The following GLI3 variants were observed in gnomAD, a reference collection of about 807,000 sequenced individuals.
The protein encoded by GLI3 is transcription activator GLI3.
A neutral mutation model predicts 100.8 loss-of-function variants in GLI3; 20 were observed. The ratio of observed to expected loss-of-function variants is 0.20; its 90% confidence interval spans 0.14 to 0.29. GLI3 has a LOEUF of 0.29. Among genes scored for constraint, GLI3 ranks in the 10% least tolerant of loss-of-function variants. The probability of loss-of-function intolerance (pLI) is 1.00; values close to 1 mark genes in which losing one functional copy is unlikely to be tolerated. For missense variants in GLI3, 2,040 were observed against 2,128.5 expected, an observed-to-expected ratio of 0.96 and a Z score of 0.82; for synonymous variants, 938 against 860.5, an observed-to-expected ratio of 1.09 and a Z score of -1.58.
intron 4 of GLI3, among the ~76,000 whole-genome samples, chr7:42,072,999 T>G (rs936024448): frequency 6.6e-6 from 1 of 152,200 alleles, no homozygotes; most frequent in Admixed American, 6.5e-5. Context: ...AACGGGAAGA[T>G]TCCTCATATC....
chr7:41,964,449 G>A lies in GLI3; in HGVS notation c.4624C>T (p.Arg1542Trp), dbSNP rs755022753. ...AGCGCTGGGAATGGGAGGGACGCCC[G>A]AGGCGTGGTGAGGCGGGAGGAGCTA... is the stretch of plus-strand genomic sequence containing the variant. ...SHSSSRLTTPRASLPFPALSM... is the reference protein window; with the variant it reads ...SHSSSRLTTPWASLPFPALSM... Residue 1542 changes from arginine to tryptophan, a missense_variant, in exon 15 of 15, where the codon CGG (arginine) becomes TGG (tryptophan). Around this residue, in one of 5 missense-constraint regions of GLI3, gnomAD observed 1,041 missense variants for 924.0 expected, o/e 1.13. Transcript: ENST00000395925. 1.2e-6 allele frequency: 2 copies of A among 1,614,152 alleles called. No individual in the cohort carries two copies. Among genetic ancestry groups the A allele is most frequent in the African/African-American group, 1.3e-5 (1 of 75,064 alleles).
chr7:41,992,763 A>T (rs1465836799), intron 10 of GLI3, among the ~76,000 whole-genome samples: 2 of 152,178 alleles, frequency 1.3e-5, no homozygotes, highest in Non-Finnish European at 2.9e-5. Flanking sequence ...AGGACCCCAA[A>T]AGAAGCGATT....
intron 12 of GLI3, among the ~76,000 whole-genome samples, chr7:41,976,750 A>C (rs931851448): frequency 6.6e-6 from 1 of 152,180 alleles, no homozygotes; most frequent in Non-Finnish European, 1.5e-5. Flanking sequence ...TCCTTTTGTT[A>C]ATCTCTCAAT....
At chr7:41,982,772 C>A (rs1414981213) in intron 10 of GLI3, among the ~76,000 whole-genome samples, 2 of 151,714 alleles carry the variant, frequency 1.3e-5, no homozygotes, top group Non-Finnish European at 2.9e-5. Flanking sequence ...GCCTATATCA[C>A]AGTAGGCAGA....
intron 2 of GLI3, among the ~76,000 whole-genome samples, chr7:42,168,627 G>A (rs903955718): frequency 2.0e-5 from 3 of 152,114 alleles, no homozygotes; most frequent in Non-Finnish European, 4.4e-5. Flanking sequence ...TATAAAGTTC[G>A]AAAACAGGCC....
rs768430191 is a variant in GLI3 at position 42,216,270 on chromosome 7, G to A, written c.124+6860C>T. Among the ~76,000 whole-genome samples the A allele has an allele frequency of 7.9e-5, 12 of 152,270 alleles. No homozygotes were observed. The South Asian group carries it at 8.3e-4, about 11-fold the overall frequency. ...AACACACTGAATGTGAGCAGGGAGCGGGTAAGGTAGAAAAACCAGGTGCTA... is the reference window on the plus strand; with the variant it reads ...AACACACTGAATGTGAGCAGGGAGCAGGTAAGGTAGAAAAACCAGGTGCTA... On this transcript the variant is annotated intron_variant, in intron 2 of 14. Transcript: ENST00000395925.
In GLI3 at chr7:41,972,396, T is replaced by C. The variant is rs760184006; in HGVS notation, c.2044A>G (p.Thr682Ala). Residue 682 changes from threonine to alanine, a missense_variant, in exon 13 of 15, where the codon ACT (threonine) becomes GCT (alanine). Physicochemically the swap from Thr to Ala is moderately conservative, Grantham distance 58. Transcript: ENST00000395925. The surrounding 1 kb of genome is among the most constrained non-coding windows in gnomAD (Gnocchi z 4.4). ...ALGEQQDLSN[T>A]TSKREECLQV... Reference sequence around the variant, plus strand: ...AGGCATTCTTCCCGCTTTGAGGTAGTGTTGCTGAGGTCCTGCTGCTCACCA... The same window carrying C: ...AGGCATTCTTCCCGCTTTGAGGTAGCGTTGCTGAGGTCCTGCTGCTCACCA... 41 of 1,614,100 alleles carry C rather than the reference T, an allele frequency of 2.5e-5. No homozygotes were observed. In the Middle Eastern group the frequency reaches 2.3e-3, roughly 91 times the overall value.
At chr7:42,062,186 A>C (rs1010792625) in intron 4 of GLI3, among the ~76,000 whole-genome samples, 14 of 152,160 alleles carry the variant, frequency 9.2e-5, no homozygotes, top group Admixed American at 9.2e-4. Flanking sequence ...TCTACTCACA[A>C]GGTTTAAGGC....
At chr7:42,153,890 T>C (rs1388843800) in intron 2 of GLI3, among the ~76,000 whole-genome samples, 1 of 151,976 alleles carries the variant, frequency 6.6e-6, no homozygotes, top group Non-Finnish European at 1.5e-5. Flanking sequence ...ATGATGGCGG[T>C]AGGACAAGGT....
At chr7:41,969,821 C>A (rs967844137) in intron 13 of GLI3, among the ~76,000 whole-genome samples, 1 of 152,214 alleles carries the variant, frequency 6.6e-6, no homozygotes, top group Admixed American at 6.5e-5. Context: ...AAAGCCAGAT[C>A]TTCCTCAAAG....
upstream of GLI3, among the ~76,000 whole-genome samples, chr7:42,238,407 C>A (rs1788878528): frequency 6.6e-6 from 1 of 152,188 alleles, no homozygotes; most frequent in African/African-American, 2.4e-5. Context: ...AAGCCATCCC[C>A]GAAACTCCCT....
Position 41,961,360 on chromosome 7 carries a change from C to T in GLI3, c.*2970G>A, listed in dbSNP as rs930375298. 2 of 152,592 alleles carry T rather than the reference C, an allele frequency of 1.3e-5. No individual in the cohort carries two copies. The highest frequency in any genetic ancestry group is 2.9e-5 in the Non-Finnish European group (2 of 68,058). The allele number at this position is 152,592 out of a possible 1,614,324, so 9.5% of individuals were successfully genotyped here. On this transcript the variant is annotated 3_prime_UTR_variant, in exon 15 of 15. Coordinates refer to ENST00000395925, the MANE Select transcript of GLI3 (RefSeq NM_000168.6). ...AGGATACAAGACAGCCTCGACTCTG[C>T]TACCACCGTGCGCTCTCTGGCTGGT...
At chr7:42,175,660 T>C (rs1242207036) in intron 2 of GLI3, among the ~76,000 whole-genome samples, 1 of 151,406 alleles carries the variant, frequency 6.6e-6, no homozygotes, top group East Asian at 1.9e-4. Context: ...TTACAAAACT[T>C]TTGCGGCTGA....
intron 2 of GLI3, among the ~76,000 whole-genome samples, chr7:42,174,413 A>G (rs1331617661): frequency 6.6e-5 from 10 of 152,238 alleles, no homozygotes; most frequent in Admixed American, 6.5e-4. Flanking sequence ...ATTGTATGTC[A>G]AAACTTCTTC....
rs13224961 is a variant in GLI3 at position 42,218,564 on chromosome 7, A to G, written c.124+4566T>C. ...AGTGACCAAAAGTTAAAGCAAAAAA[A>G]AAAGCAACTCCTTAGGAATTTGCAG... On this transcript the variant is annotated intron_variant, in intron 2 of 14. Transcript: ENST00000395925. Among the ~76,000 whole-genome samples, 450 of 152,214 alleles carry G rather than the reference A, an allele frequency of 3.0e-3. 3 individuals are homozygous for G. The highest frequency in any genetic ancestry group is 5.3e-3 in the Non-Finnish European group (360 of 67,980).
intron 3 of GLI3, chr7:42,113,485 T>TA: frequency 1.2e-6 from 1 of 840,128 alleles, no homozygotes; most frequent in Non-Finnish European, 2.0e-6. Context: ...AGAGCAAGCC[T>TA]AAAAAGGCCC....
At chr7:41,978,771 G>T in intron 10 of GLI3, 23 bp from the exon 11 acceptor site, 5 of 1,608,348 alleles carry the variant, frequency 3.1e-6, no homozygotes, top group Middle Eastern at 1.7e-4. Flanking sequence ...AAAAGAGAGA[G>T]AAATCAAATG....
At chr7:42,196,866 GT>G (rs778311882) in intron 2 of GLI3, among the ~76,000 whole-genome samples, 23 of 152,182 alleles carry the variant, frequency 1.5e-4, no homozygotes, top group Non-Finnish European at 2.8e-4. Context: ...TTGGCAGCAT[GT>G]TTACTTATGG....
chr7:42,207,213 C>T (rs979127326), intron 2 of GLI3, among the ~76,000 whole-genome samples: 9 of 152,178 alleles, frequency 5.9e-5, no homozygotes, highest in Admixed American at 2.0e-4. Context: ...AAGACAGCTA[C>T]CTGGCAGCCA....
Sources: allele counts gnomAD v4.1 joint callset (sites outside exome capture counted in the v4.1 genomes callset), GRCh38; gene constraint gnomAD v4.1.1; regional missense constraint gnomAD v4.1.1; non-coding constraint Gnocchi (gnomAD v3.1); transcripts MANE v1.5; gene names NCBI Gene and HGNC (gene_info 2026-07-23, HGNC 2026-07-21).